The following SDHC variants were observed in gnomAD, a reference collection of about 807,000 sequenced individuals.
The protein encoded by SDHC is succinate dehydrogenase complex subunit C.
A neutral mutation model predicts 22.6 loss-of-function variants in SDHC; 11 were observed. The observed-to-expected ratio is 0.49, with a 90% CI of 0.31 to 0.81. SDHC has a LOEUF of 0.81. Ranked by LOEUF, SDHC falls within the 30% of genes least tolerant of loss-of-function variation. SDHC has a pLI of 0.05. For missense variants in SDHC, 160 were observed against 212.0 expected (o/e 0.75, Z 1.52); for synonymous variants, 80 against 77.8 (o/e 1.03, Z -0.15).
At chr1:161,333,539 G>C (rs928611255) in intron 3 of SDHC, among the ~76,000 whole-genome samples, 2 of 151,992 alleles carry the variant, frequency 1.3e-5, no homozygotes, top group African/African-American at 2.4e-5. Context: ...AAGTAGCTGG[G>C]ACTACAGGCA....
chr1:161,326,603 A>T (rs1204204343), intron 2 of SDHC: 51 of 109,748 alleles, frequency 4.6e-4, no homozygotes, highest in African/African-American at 5.8e-4. Context: ...GTTTTATTTT[A>T]TTTTATTTTA....
intron 1 of SDHC, among the ~76,000 whole-genome samples, chr1:161,321,144 C>G (rs897538725): frequency 9.9e-5 from 15 of 152,124 alleles, no homozygotes; most frequent in Admixed American, 8.5e-4. Flanking sequence ...TTTTTTACTT[C>G]CCAATGTTAT....
At chr1:161,322,916 G>A (rs1670890467) in intron 1 of SDHC, among the ~76,000 whole-genome samples, 2 of 152,028 alleles carry the variant, frequency 1.3e-5, no homozygotes, top group African/African-American at 4.8e-5. Flanking sequence ...TAAGCTATAT[G>A]GTTGCAGTTA....
intron 4 of SDHC, among the ~76,000 whole-genome samples, chr1:161,347,550 C>T (rs112357777): frequency 0.015 from 2,247 of 150,954 alleles, 51 homozygotes; most frequent in African/African-American, 0.052. Context: ...CCACCACACC[C>T]GGCTGAGGTC....
At chr1:161,314,678 C>T in intron 1 of SDHC, 1 of 585,144 alleles carries the variant, frequency 1.7e-6, no homozygotes, top group East Asian at 2.8e-5. Context: ...CTGTTTTCCC[C>T]ACCTCCTCTA....
intron 5 of SDHC, among the ~76,000 whole-genome samples, chr1:161,357,750 A>G (rs539131796): frequency 3.3e-5 from 5 of 152,240 alleles, no homozygotes; most frequent in Non-Finnish European, 5.9e-5. Context: ...GAAGGCATAG[A>G]ATGCATGTTT....
intron 3 of SDHC, among the ~76,000 whole-genome samples, chr1:161,331,600 T>C (rs905663188): frequency 6.6e-6 from 1 of 150,698 alleles, no homozygotes; most frequent in African/African-American, 2.5e-5. Flanking sequence ...ATATCTTTTT[T>C]TTTTTTTTTT....
chr1:161,329,707 T>C (rs995211732), intron 3 of SDHC, among the ~76,000 whole-genome samples: 1 of 152,260 alleles, frequency 6.6e-6, no homozygotes, highest in African/African-American at 2.4e-5. Flanking sequence ...ATGTATTGTC[T>C]TACCATTCTT....
At chr1:161,339,332 G>C (rs1473148850) in intron 3 of SDHC, among the ~76,000 whole-genome samples, 2 of 148,214 alleles carry the variant, frequency 1.3e-5, no homozygotes, top group African/African-American at 5.0e-5. Context: ...ACAGGCCTCT[G>C]CCACCACACC....
intron 1 of SDHC, among the ~76,000 whole-genome samples, chr1:161,315,111 G>A (rs1405768422): frequency 6.6e-6 from 1 of 152,084 alleles, no homozygotes; most frequent in Non-Finnish European, 1.5e-5. Flanking sequence ...TGAACTTTCC[G>A]CTGTCTAGGT....
intron 3 of SDHC, 35 bp downstream of exon 3, chr1:161,328,532 G>C (rs755722869): frequency 6.9e-7 from 1 of 1,453,936 alleles, no homozygotes; most frequent in East Asian, 2.3e-5. Flanking sequence ...GAATCTAGAG[G>C]TAGTGGGTGA....
At chr1:161,338,910 G>A (rs943740589) in intron 3 of SDHC, among the ~76,000 whole-genome samples, 7 of 152,004 alleles carry the variant, frequency 4.6e-5, no homozygotes, top group Non-Finnish European at 7.4e-5. Context: ...GTGCAGTGGC[G>A]TGATCTCCAT....
intron 4 of SDHC, among the ~76,000 whole-genome samples, chr1:161,349,001 T>A (rs1370571159): frequency 6.6e-6 from 1 of 151,866 alleles, no homozygotes; most frequent in Non-Finnish European, 1.5e-5. Context: ...AATAACAAGA[T>A]AAAACATACA....
chr1:161,340,152 G>T (rs1026189700), intron 3 of SDHC, among the ~76,000 whole-genome samples: 2 of 152,070 alleles, frequency 1.3e-5, no homozygotes, highest in African/African-American at 4.8e-5. Flanking sequence ...AGGCGGACCT[G>T]GTGGCAGGCA....
At chr1:161,315,328 A>G (rs1362453474) in intron 1 of SDHC, among the ~76,000 whole-genome samples, 2 of 152,228 alleles carry the variant, frequency 1.3e-5, no homozygotes, top group East Asian at 3.8e-4. Context: ...GTTTAAAAAT[A>G]GAGGGACTTT....
At chr1:161,315,125 A>G (rs1401573752) in intron 1 of SDHC, among the ~76,000 whole-genome samples, 1 of 152,206 alleles carries the variant, frequency 6.6e-6, no homozygotes, top group African/African-American at 2.4e-5. Context: ...TCTAGGTCTC[A>G]TTCTCTGCTC....
chr1:161,323,782 G>C, intron 2 of SDHC, 112 bp downstream of exon 2: 1 of 730,976 alleles, frequency 1.4e-6, no homozygotes, highest in Non-Finnish European at 2.2e-6. Flanking sequence ...TGCAAGCGCC[G>C]CCTCTTGGGT....
At chr1:161,357,039 C>T (rs940401020) in intron 5 of SDHC, among the ~76,000 whole-genome samples, 199 bp downstream of exon 5, 2 of 151,934 alleles carry the variant, frequency 1.3e-5, no homozygotes, top group South Asian at 4.1e-4. Context: ...CAAGAGATTC[C>T]TGTGCCTCAG....
At chr1:161,328,104 A>C (rs924616544) in intron 2 of SDHC, among the ~76,000 whole-genome samples, 3 of 151,638 alleles carry the variant, frequency 2.0e-5, no homozygotes, top group Non-Finnish European at 4.4e-5. Context: ...CCTGGGTTCA[A>C]GTGATTCTAC....
Sources: allele counts gnomAD v4.1 joint callset (sites outside exome capture counted in the v4.1 genomes callset), GRCh38; gene constraint gnomAD v4.1.1; transcripts MANE v1.5; gene names NCBI Gene and HGNC (gene_info 2026-07-23, HGNC 2026-07-21).